The following SAXO1 variants were observed in gnomAD, a reference collection of about 807,000 sequenced individuals.
SAXO1 encodes stabilizer of axonemal microtubules 1, also known as 4930500O09Rik.
A neutral mutation model predicts 17.5 loss-of-function variants in SAXO1; 21 were observed. The ratio of observed to expected loss-of-function variants is 1.20; its 90% CI spans 0.85 to 1.72. SAXO1 has a LOEUF of 1.72. SAXO1 is among the 40% of genes most tolerant of loss of function. The pLI is 0.00. For missense variants in SAXO1, 843 were observed against 596.0 expected (o/e 1.41, Z -4.32); for synonymous variants, 274 against 216.5 (o/e 1.27, Z -2.33).
chr9:19,014,971 G>A (rs570539195), intron 1 of SAXO1, among the ~76,000 whole-genome samples: 1 of 152,230 alleles, frequency 6.6e-6, no homozygotes, highest in East Asian at 1.9e-4. Flanking sequence ...AGGGGGTGGA[G>A]AGTAAACGAT....
At chr9:19,047,101 G>T (rs1836236121) in intron 1 of SAXO1, among the ~76,000 whole-genome samples, 1 of 152,098 alleles carries the variant, frequency 6.6e-6, no homozygotes, top group African/African-American at 2.4e-5. Flanking sequence ...CCGGGAGAAT[G>T]GCTTGAATCT....
intron 1 of SAXO1, among the ~76,000 whole-genome samples, chr9:19,005,670 CA>C (rs573466583): frequency 8.1e-4 from 123 of 152,244 alleles, no homozygotes; most frequent in Non-Finnish European, 1.4e-3. Flanking sequence ...TAAAACTATA[CA>C]AACGCTGAGA....
In SAXO1 at chr9:18,951,008, C is replaced by T. The variant is rs542228263; in HGVS notation, c.39-71G>A. 91 of 1,434,736 alleles carry T rather than the reference C, an allele frequency of 6.3e-5. 1 individual carries two copies. The highest frequency in any genetic ancestry group is 2.0e-4 in the South Asian group (15 of 73,718). 88.9% of individuals were successfully genotyped at this position (1,434,736 alleles called of 1,614,324 possible). A position where few individuals can be genotyped will look rare whatever the true frequency, so the allele number is the denominator to read the frequency against. On this transcript the variant is annotated intron_variant, in intron 1 of 3. Transcript: ENST00000380534. ...AAACCCAATTTCCTAAGAGTACTTC[C>T]GCCAAATGTGACTCAGACTGTAAAA...
At chr9:19,033,642 T>C (rs773201855), upstream of SAXO1, among the ~76,000 whole-genome samples, 1 of 152,238 alleles carries the variant, frequency 6.6e-6, no homozygotes, top group Non-Finnish European at 1.5e-5. Flanking sequence ...CCTGCGCTCT[T>C]GAGAACACAG....
At chr9:18,972,426 A>G (rs1411695832) in intron 1 of SAXO1, among the ~76,000 whole-genome samples, 1 of 152,208 alleles carries the variant, frequency 6.6e-6, no homozygotes, top group Non-Finnish European at 1.5e-5. Context: ...TTTGTGCACC[A>G]ATACATTTGT....
chr9:18,938,227 A>G (rs1196870820), intron 3 of SAXO1, among the ~76,000 whole-genome samples: 2 of 152,210 alleles, frequency 1.3e-5, no homozygotes, highest in Admixed American at 6.5e-5. Flanking sequence ...CTTTGTCAGT[A>G]GGGAAGTCAG....
chr9:19,045,917 G>C (rs1316159554), intron 1 of SAXO1, among the ~76,000 whole-genome samples: 2 of 151,848 alleles, frequency 1.3e-5, no homozygotes, highest in African/African-American at 4.8e-5. Context: ...GAGAAACCCC[G>C]TATCTACTAA....
chr9:19,038,773 T>A (rs1403761822), intron 1 of SAXO1, among the ~76,000 whole-genome samples: 2 of 151,364 alleles, frequency 1.3e-5, no homozygotes, highest in Non-Finnish European at 1.5e-5. Context: ...AAAAAAAGAA[T>A]AAATGGCTGT....
At chr9:18,961,171 T>C (rs959465046) in intron 1 of SAXO1, among the ~76,000 whole-genome samples, 5 of 148,438 alleles carry the variant, frequency 3.4e-5, no homozygotes, top group African/African-American at 1.2e-4. Flanking sequence ...AATTCTTTCT[T>C]TTTTTTTTTT....
chr9:18,948,762 C>G (rs1266701477), intron 2 of SAXO1, among the ~76,000 whole-genome samples: 1 of 152,142 alleles, frequency 6.6e-6, no homozygotes, highest in African/African-American at 2.4e-5. Flanking sequence ...AAGCAACCTG[C>G]AACAACCAAC....
chr9:18,952,067 CTTAT>C (rs1174582830), intron 1 of SAXO1, among the ~76,000 whole-genome samples: 1 of 152,162 alleles, frequency 6.6e-6, no homozygotes, highest in African/African-American at 2.4e-5. Flanking sequence ...ATGAAACTTA[CTTAT>C]TTACTTACTA....
chr9:18,928,163 C>G lies in SAXO1; in HGVS notation c.1314G>C (p.Leu438Phe). ...AAACTGGTTTGTATATCCTGTGACCCAAAGCATCCACTTCCTCAAAGGTGT... is the reference window on the plus strand; with the variant it reads ...AAACTGGTTTGTATATCCTGTGACCGAAAGCATCCACTTCCTCAAAGGTGT... ...PGYTFEEVDA[L>F]GHRIYKPVSQ... The change falls in exon 4 of 4, where the codon TTG (leucine) becomes TTC (phenylalanine). Residue 438 changes from leucine to phenylalanine, a missense_variant. Coordinates refer to ENST00000380534, the MANE Select transcript of SAXO1 (RefSeq NM_153707.4). 6.2e-7 allele frequency: 1 copy of G among 1,614,168 alleles called. No individual in the cohort carries two copies. Among genetic ancestry groups the G allele is most frequent in the East Asian group, 2.2e-5 (1 of 44,884 alleles).
chr9:18,987,756 G>C (rs183117927), intron 1 of SAXO1, among the ~76,000 whole-genome samples: 28 of 152,090 alleles, frequency 1.8e-4, no homozygotes, highest in African/African-American at 6.3e-4. Flanking sequence ...AATTAGCTAG[G>C]TGTGGTGGCA....
intron 2 of SAXO1, among the ~76,000 whole-genome samples, chr9:18,945,782 C>G (rs1258835073): frequency 2.6e-5 from 4 of 152,190 alleles, no homozygotes; most frequent in Non-Finnish European, 5.9e-5. Flanking sequence ...TTTCAAATGA[C>G]TTTAAAGCTC....
rs185976205 is a variant in SAXO1 at position 19,024,543 on chromosome 9, T to C, written c.38+8328A>G. Among the ~76,000 whole-genome samples, 527 of 152,090 alleles carry C rather than the reference T, an allele frequency of 3.5e-3. 4 individuals are homozygous for C. Among genetic ancestry groups the C allele is most frequent in the African/African-American group, 0.012 (489 of 41,470 alleles). On this transcript the variant is annotated intron_variant, in intron 1 of 3. Transcript: ENST00000380534. The stretch of plus-strand genomic sequence containing the variant: ...CACCAACATGGCACATGTATAGATA[T>C]GTAACTAACCTGCACGTTGTGCACA...
chr9:19,010,783 C>G (rs537384441), intron 1 of SAXO1, among the ~76,000 whole-genome samples: 1 of 152,230 alleles, frequency 6.6e-6, no homozygotes, highest in African/African-American at 2.4e-5. Flanking sequence ...AATGTGATTA[C>G]CAGGGGCAGT....
rs116789818 is a variant in SAXO1, at chr9:18,993,387, T to C, written c.38+39484A>G. 3.9e-3 allele frequency among the ~76,000 whole-genome samples: 587 copies of C among 151,956 alleles called. 6 individuals carry two copies. Among genetic ancestry groups the C allele is most frequent in the African/African-American group, 0.014 (562 of 41,424 alleles). On this transcript the variant is annotated intron_variant, in intron 1 of 3. Transcript: ENST00000380534. ...ACATCTGTTGAGGGCTCATCCATGATCATGCTTGCTATGTGGCCAGCACTG... is the reference window on the plus strand; with the variant it reads ...ACATCTGTTGAGGGCTCATCCATGACCATGCTTGCTATGTGGCCAGCACTG...
At position 18,995,408 on chromosome 9, in the gene SAXO1, G is replaced by A. The variant is rs185100322; in HGVS notation, c.38+37463C>T. 1.1e-3 allele frequency among the ~76,000 whole-genome samples: 175 copies of A among 152,286 alleles called. 1 individual carries two copies. Among genetic ancestry groups the A allele is most frequent in the South Asian group, 3.9e-3 (19 of 4,822 alleles). On this transcript the variant is annotated intron_variant, in intron 1 of 3. Coordinates refer to ENST00000380534, the MANE Select transcript of SAXO1 (RefSeq NM_153707.4). ...TTCCAAGGCTGAAGTAGCCCAAAGC[G>A]GTTAAAAAGTTATCCGTCCAACCAA...
At chr9:18,968,326 T>C (rs1038698346) in intron 1 of SAXO1, among the ~76,000 whole-genome samples, 14 of 152,288 alleles carry the variant, frequency 9.2e-5, no homozygotes, top group Middle Eastern at 6.8e-3. Flanking sequence ...ATTACAGATG[T>C]GAGCCACAGC....
Sources: allele counts gnomAD v4.1 joint callset (sites outside exome capture counted in the v4.1 genomes callset), GRCh38; gene constraint gnomAD v4.1.1; transcripts MANE v1.5; gene names NCBI Gene and HGNC (gene_info 2026-07-23, HGNC 2026-07-21).